POU6F2: variants seen among roughly 807,000 people sequenced by gnomAD.
The protein encoded by POU6F2 is POU class 6 homeobox 2, also known as POU domain, class 6, transcription factor 2.
A neutral mutation model predicts 71.3 loss-of-function variants in POU6F2; 31 were observed. That is an observed-to-expected ratio of 0.43 (90% CI 0.33 to 0.59). The LOEUF (loss-of-function observed/expected upper bound fraction) is 0.59, where lower values mean the gene tolerates loss of function less well. Ranked by LOEUF, POU6F2 falls within the 20% of genes least tolerant of loss-of-function variation. The pLI, the probability that POU6F2 is intolerant of heterozygous loss-of-function variation, is 0.04. For synonymous variants in POU6F2, 347 were observed against 355.7 expected, an observed-to-expected ratio of 0.98 and a Z score of 0.27; for missense variants, 783 against 856.8, an observed-to-expected ratio of 0.91 and a Z score of 1.07.
intron 6 of POU6F2, among the ~76,000 whole-genome samples, chr7:39,427,028 C>CCACTTTAAAAAGTAAAT (rs1787988957): frequency 6.6e-6 from 1 of 152,158 alleles, no homozygotes; most frequent in East Asian, 1.9e-4. Flanking sequence ...TCATGGTAAA[C>CCACTTTAAAAAGTAAAT]AATTTCCACT....
chr7:39,159,346 C>T (rs1209888534), intron 2 of POU6F2, among the ~76,000 whole-genome samples: 1 of 152,040 alleles, frequency 6.6e-6, no homozygotes, highest in Non-Finnish European at 1.5e-5. Flanking sequence ...TGTTTCTTCC[C>T]CAATCCATTC....
intron 6 of POU6F2, among the ~76,000 whole-genome samples, chr7:39,419,135 A>ATATATACG (rs1562544653): frequency 8.5e-6 from 1 of 117,194 alleles, no homozygotes; most frequent in Non-Finnish European, 1.9e-5. Context: ...ATATATACAC[A>ATATATACG]TATATATACG....
intron 4 of POU6F2, among the ~76,000 whole-genome samples, chr7:39,301,313 T>C (rs1420099825): frequency 6.6e-6 from 1 of 152,246 alleles, no homozygotes; most frequent in Non-Finnish European, 1.5e-5. Flanking sequence ...CTGTAGGATC[T>C]GTCAGTCCAC....
intron 1 of POU6F2, among the ~76,000 whole-genome samples, chr7:38,988,954 CT>C (rs1166383548): frequency 1.3e-5 from 2 of 152,138 alleles, no homozygotes; most frequent in African/African-American, 4.8e-5. Context: ...TTCCTTTCCT[CT>C]TTTTCCTCCT....
chr7:39,419,633 G>A (rs1787805730), intron 6 of POU6F2, among the ~76,000 whole-genome samples: 1 of 152,114 alleles, frequency 6.6e-6, no homozygotes, highest in Non-Finnish European at 1.5e-5. Flanking sequence ...AATGGCAATT[G>A]TTTATTTAGT....
chr7:39,198,754 C>A (rs1217618138), intron 2 of POU6F2, among the ~76,000 whole-genome samples: 1 of 152,172 alleles, frequency 6.6e-6, no homozygotes, highest in Non-Finnish European at 1.5e-5. Flanking sequence ...GAAATTCTAA[C>A]TGGCAATAAA....
rs184536114 is a variant in POU6F2, at chr7:39,440,588, C to A, written c.1320+7305C>A. On this transcript the variant is annotated intron_variant, in intron 7 of 9. Coordinates refer to ENST00000518318, the MANE Select transcript of POU6F2 (RefSeq NM_001370959.1). ...TTATGCTAGTTAGCAATTCCTCAAA[C>A]CTTTTATCAAGGTTCTTAGCTTCTT... Among the ~76,000 whole-genome samples the A allele has an allele frequency of 4.7e-4, 71 of 152,312 alleles. No homozygotes were observed. The East Asian group carries it at 0.011, about 24-fold the overall frequency.
intron 4 of POU6F2, among the ~76,000 whole-genome samples, chr7:39,286,023 G>A (rs1283478224): frequency 6.6e-6 from 1 of 152,218 alleles, no homozygotes; most frequent in Non-Finnish European, 1.5e-5. Context: ...AGGAGTCCAT[G>A]AGCTTCTCTT....
chr7:39,176,838 C>A (rs907876059), intron 2 of POU6F2, among the ~76,000 whole-genome samples: 2 of 152,170 alleles, frequency 1.3e-5, no homozygotes, highest in Non-Finnish European at 2.9e-5. Flanking sequence ...AAATAAATCA[C>A]AGTAGCCTTA....
chr7:39,291,323 C>T (rs2128762170), intron 4 of POU6F2, among the ~76,000 whole-genome samples: 1 of 152,286 alleles, frequency 6.6e-6, no homozygotes, highest in South Asian at 2.1e-4. Flanking sequence ...GATGCCAATG[C>T]ATTATTTCAG....
At chr7:39,449,042 G>A (rs1788591337) in intron 7 of POU6F2, among the ~76,000 whole-genome samples, 1 of 152,302 alleles carries the variant, frequency 6.6e-6, no homozygotes. Flanking sequence ...ATTAATTTGG[G>A]ATCCCATGTC....
intron 2 of POU6F2, among the ~76,000 whole-genome samples, chr7:39,096,120 T>G (rs1010903216): frequency 6.6e-6 from 1 of 152,188 alleles, no homozygotes; most frequent in East Asian, 1.9e-4. Flanking sequence ...CATCAGTATC[T>G]GCACGGAGAG....
intron 1 of POU6F2, among the ~76,000 whole-genome samples, chr7:39,070,565 C>G (rs1228099609): frequency 2.0e-5 from 3 of 151,980 alleles, no homozygotes; most frequent in Non-Finnish European, 4.4e-5. Context: ...TGGGCCACTT[C>G]TCTAGCACCC....
At chr7:39,338,172 A>C (rs909367534) in intron 4 of POU6F2, among the ~76,000 whole-genome samples, 3 of 152,172 alleles carry the variant, frequency 2.0e-5, no homozygotes, top group Non-Finnish European at 4.4e-5. Flanking sequence ...CTGGAACTCC[A>C]CCAGAAGAAG....
intron 2 of POU6F2, among the ~76,000 whole-genome samples, chr7:39,174,551 C>A (rs533077525): frequency 6.6e-6 from 1 of 152,074 alleles, no homozygotes; most frequent in Non-Finnish European, 1.5e-5. Flanking sequence ...GTGTCTTTTC[C>A]TCCTGTTCCA....
At chr7:39,412,981 T>A (rs985793208) in intron 6 of POU6F2, among the ~76,000 whole-genome samples, 3 of 150,586 alleles carry the variant, frequency 2.0e-5, no homozygotes, top group African/African-American at 7.3e-5. Flanking sequence ...TTTTTTGTAT[T>A]TTTTAGTAGA....
intron 4 of POU6F2, among the ~76,000 whole-genome samples, chr7:39,244,081 T>A (rs1276959206): frequency 1.3e-5 from 2 of 152,140 alleles, no homozygotes; most frequent in Admixed American, 1.3e-4. Context: ...AAGGGAAAAA[T>A]GTTGGTTTAC....
At chr7:39,110,439 A>T (rs1472125372) in intron 2 of POU6F2, among the ~76,000 whole-genome samples, 3 of 152,108 alleles carry the variant, frequency 2.0e-5, no homozygotes, top group African/African-American at 7.2e-5. Context: ...CATGGTAGGA[A>T]TACTACATAA....
intron 2 of POU6F2, among the ~76,000 whole-genome samples, chr7:39,096,995 A>G (rs1791467937): frequency 6.6e-6 from 1 of 152,202 alleles, no homozygotes; most frequent in Admixed American, 6.5e-5. Context: ...TTAAAAATTG[A>G]TTTCATATCT....
Sources: allele counts gnomAD v4.1 joint callset (sites outside exome capture counted in the v4.1 genomes callset), GRCh38; gene constraint gnomAD v4.1.1; transcripts MANE v1.5; gene names NCBI Gene and HGNC (gene_info 2026-07-23, HGNC 2026-07-21).